The following BGN variants were observed in gnomAD, a reference collection of about 807,000 sequenced individuals.
The protein encoded by BGN is bone/cartilage proteoglycan-I.
In BGN, 6 loss-of-function variants were observed where a neutral mutation model predicts 20.0. The observed-to-expected ratio is 0.30, with a 90% CI of 0.16 to 0.59. BGN has a LOEUF of 0.59. Ranked by LOEUF, BGN falls within the 20% of genes least tolerant of loss-of-function variation. BGN has a pLI of 0.88. For missense variants in BGN, 292 were observed against 312.1 expected (o/e 0.94, Z 0.49); for synonymous variants, 146 against 134.6 (o/e 1.08, Z -0.59).
chrX:153,503,338 G>A (rs1556992287), intron 1 of BGN, among the ~76,000 whole-genome samples: 1 of 112,509 alleles, frequency 8.9e-6, no homozygotes, highest in African/African-American at 3.2e-5. Flanking sequence ...TCCCCAGCTA[G>A]TACTGGCCCT....
At chrX:153,506,392 G>A in intron 4 of BGN, 137 bp from the exon 5 acceptor site, 1 of 584,240 alleles carries the variant, frequency 1.7e-6, no homozygotes. Context: ...AATTAGCCCG[G>A]TAAATTAGCA....
rs2089822082 is a variant in BGN, at chrX:153,508,822, G to C, written c.*377G>C. 1 of 238,922 alleles carries C rather than the reference G, an allele frequency of 4.2e-6. No individual in the cohort carries two copies. Among genetic ancestry groups the C allele is most frequent in the African/African-American group, 2.9e-5 (1 of 34,661 alleles). The allele number at this position is 238,922 out of a possible 1,213,427, so 19.7% of individuals were successfully genotyped here. A position where few individuals can be genotyped will look rare whatever the true frequency, so the allele number is the denominator to read the frequency against. On this transcript the variant is annotated 3_prime_UTR_variant, in exon 8 of 8. Transcript: ENST00000331595. Reference sequence around the variant, plus strand: ...AGCCAGGAGGCGGTCCATAAGAATGGGGACAGTGGGCTCTGCCAGGGCTGC... The same window carrying C: ...AGCCAGGAGGCGGTCCATAAGAATGCGGACAGTGGGCTCTGCCAGGGCTGC...
chrX:153,499,555 G>A (rs782587976), intron 1 of BGN, among the ~76,000 whole-genome samples: 13 of 113,495 alleles, frequency 1.1e-4, no homozygotes, highest in East Asian at 2.8e-4. Flanking sequence ...GGGAGCAGAC[G>A]CCCAAGCGTG....
At chrX:153,500,675 G>A (rs782443715) in intron 1 of BGN, among the ~76,000 whole-genome samples, 10 of 112,650 alleles carry the variant, frequency 8.9e-5, no homozygotes, top group Middle Eastern at 4.6e-3. Flanking sequence ...ATGTGTATGC[G>A]TGTATACAGG....
rs782728797 is a variant in BGN, at chrX:153,504,699, G to C, written c.68G>C (p.Gly23Ala). Residue 23 changes from glycine (G) to alanine (A), a missense_variant, in exon 2 of 8, where the codon GGC becomes GCC. Transcript: ENST00000331595. Reference sequence around the variant, plus strand: ...CAGGCCCTGCCCTTTGAGCAGAGAGGCTTCTGGGACTTCACCCTGGACGAT... The same window carrying C: ...CAGGCCCTGCCCTTTGAGCAGAGAGCCTTCTGGGACTTCACCCTGGACGAT... ...LSQALPFEQRGFWDFTLDDGP... is the reference protein window; with the variant it reads ...LSQALPFEQRAFWDFTLDDGP... 8.3e-7 allele frequency: 1 copy of C among 1,212,027 alleles called. No homozygotes were observed. The highest frequency in any genetic ancestry group is 1.8e-5 in the South Asian group (1 of 57,017).
intron 1 of BGN, among the ~76,000 whole-genome samples, chrX:153,504,250 C>A (rs1442234084): frequency 8.9e-6 from 1 of 112,738 alleles, no homozygotes; most frequent in African/African-American, 3.2e-5. Flanking sequence ...CTCCTCCACG[C>A]AGCCTCATGG....
At position 153,504,808 on chromosome X, in the gene BGN, C is replaced by T; in HGVS notation, c.177C>T (p.Tyr59=). The T allele has an allele frequency of 8.3e-7, 1 of 1,211,461 alleles. No individual in the cohort carries two copies. The highest frequency in any genetic ancestry group is 3.0e-5 in the East Asian group (1 of 33,848). The change falls in exon 2 of 8, where the codon TAC becomes TAT. Residue 59 remains tyrosine, a synonymous_variant. Transcript: ENST00000331595. ...VLDPDSVTPT[Y]SAMCPFGCHC... ...ACCCGGACTCTGTCACACCCACCTA[C>T]AGCGCCATGTGTCCTTTCGGCTGCC...
intron 1 of BGN, among the ~76,000 whole-genome samples, chrX:153,503,874 G>A (rs1421939221): frequency 9.0e-6 from 1 of 110,770 alleles, no homozygotes; most frequent in Non-Finnish European, 1.9e-5. Context: ...CGGTGTGGGC[G>A]GGGGGCTGGG....
intron 7 of BGN, 76 bp downstream of exon 7, chrX:153,507,261 C>A: frequency 9.1e-7 from 1 of 1,099,736 alleles, no homozygotes; most frequent in Non-Finnish European, 1.2e-6. Flanking sequence ...GGCAGTCCCT[C>A]AGTCCCCTGG....
At chrX:153,506,725 T>A (rs1432259306) in intron 5 of BGN, 86 bp downstream of exon 5, 1 of 1,144,650 alleles carries the variant, frequency 8.7e-7, no homozygotes, top group Non-Finnish European at 1.2e-6. Context: ...ATGGGCCCGA[T>A]CTACTCAGGG....
In BGN at chrX:153,508,780, A is replaced by T. The variant is rs781926548; in HGVS notation, c.*335A>T. On this transcript the variant is annotated 3_prime_UTR_variant, in exon 8 of 8. Coordinates refer to ENST00000331595, the MANE Select transcript of BGN (RefSeq NM_001711.6). Reference sequence around the variant, plus strand: ...TGTCCAAGGCTCCAGTCCTAGGAGAACAGTCCCTGGGTCAGCAGCCAGGAG... The same window carrying T: ...TGTCCAAGGCTCCAGTCCTAGGAGATCAGTCCCTGGGTCAGCAGCCAGGAG... The T allele has an allele frequency of 7.3e-4, 231 of 316,288 alleles. 2 individuals carry two copies. The South Asian group carries it at 0.011, about 15-fold the overall frequency. The allele number at this position is 316,288 out of a possible 1,213,427, so 26.1% of individuals were successfully genotyped here. A position where few individuals can be genotyped will look rare whatever the true frequency, so the allele number is the denominator to read the frequency against.
At chrX:153,505,677 G>T (rs1453769907) in intron 3 of BGN, among the ~76,000 whole-genome samples, 186 bp from the exon 4 acceptor site, 1 of 111,776 alleles carries the variant, frequency 8.9e-6, no homozygotes, top group African/African-American at 3.3e-5. Flanking sequence ...GAGCGGCAAG[G>T]CAGTGGTGGC....
intron 1 of BGN, among the ~76,000 whole-genome samples, chrX:153,496,572 G>C (rs1330252424): frequency 3.6e-5 from 4 of 112,495 alleles, no homozygotes; most frequent in African/African-American, 1.3e-4. Flanking sequence ...CCAGGGAGCA[G>C]AGAGGGCTCC....
intron 1 of BGN, among the ~76,000 whole-genome samples, chrX:153,498,230 C>A (rs1479988592): frequency 8.8e-6 from 1 of 113,012 alleles, no homozygotes; most frequent in African/African-American, 3.2e-5. Flanking sequence ...AGGGGCCCAA[C>A]GGACTCTGTG....
Position 153,508,477 on chromosome X carries a change from G to A in BGN, c.*32G>A. On this transcript the variant is annotated 3_prime_UTR_variant, in exon 8 of 8. Coordinates refer to ENST00000331595, the MANE Select transcript of BGN (RefSeq NM_001711.6). ...CTGCAGCCACCGCGGGGCCTCAGTG[G>A]GGGTCTCTGGGGAACACAGCCAGAC... The A allele has an allele frequency of 1.7e-6, 2 of 1,183,738 alleles. No individual in the cohort carries two copies. The highest frequency in any genetic ancestry group is 3.6e-5 in the South Asian group (2 of 55,213).
intron 1 of BGN, among the ~76,000 whole-genome samples, chrX:153,502,956 G>A (rs1643825061): frequency 8.9e-6 from 1 of 112,529 alleles, no homozygotes; most frequent in Admixed American, 9.3e-5. Flanking sequence ...CGCATGGGTG[G>A]CTTCTAGGGG....
intron 1 of BGN, among the ~76,000 whole-genome samples, chrX:153,504,381 G>A (rs1340784368): frequency 2.7e-5 from 3 of 112,235 alleles, no homozygotes; most frequent in Non-Finnish European, 3.8e-5. Context: ...GGGGAGGGGG[G>A]TAGTGGAAGC....
At chrX:153,507,412 A>T in intron 7 of BGN, among the ~76,000 whole-genome samples, 1 of 112,762 alleles carries the variant, frequency 8.9e-6, no homozygotes. Context: ...GAGGGTCTCC[A>T]GGTGGGTCGG....
intron 1 of BGN, among the ~76,000 whole-genome samples, chrX:153,496,165 T>C (rs1336404110): frequency 8.9e-6 from 1 of 112,434 alleles, no homozygotes; most frequent in Non-Finnish European, 1.9e-5. Flanking sequence ...CCTGCTGTCC[T>C]GGCTGCCAGA....
Sources: allele counts gnomAD v4.1 joint callset (sites outside exome capture counted in the v4.1 genomes callset), GRCh38; gene constraint gnomAD v4.1.1; transcripts MANE v1.5; gene names NCBI Gene and HGNC (gene_info 2026-07-23, HGNC 2026-07-21).